Variants in MACROD2 observed in about 807,000 individuals in gnomAD.
MACROD2 encodes ADP-ribose glycohydrolase MACROD2.
A neutral mutation model predicts 70.4 loss-of-function variants in MACROD2; 36 were observed. The ratio of observed to expected loss-of-function variants is 0.51; its 90% confidence interval spans 0.39 to 0.68. The LOEUF is 0.68. Among genes scored for constraint, MACROD2 ranks in the 30% least tolerant of loss-of-function variants. MACROD2 has a pLI of 0.00. For synonymous variants in MACROD2, 172 were observed against 178.8 expected, an observed-to-expected ratio of 0.96 and a Z score of 0.30; for missense variants, 496 against 538.4, an observed-to-expected ratio of 0.92 and a Z score of 0.78.
intron 4 of MACROD2, among the ~76,000 whole-genome samples, chr20:14,601,003 T>C (rs1982460943): frequency 1.3e-5 from 2 of 152,224 alleles, no homozygotes; most frequent in Admixed American, 1.3e-4. Context: ...TCTTGTTGAC[T>C]ATGAGACCTT....
chr20:14,894,028 C>A (rs2073796623), intron 5 of MACROD2: 1 of 151,846 alleles, frequency 6.6e-6, no homozygotes, highest in Non-Finnish European at 1.5e-5. Context: ...TCAAGCAATC[C>A]TCTTGCCTTG....
chr20:15,749,065 A>G (rs1295363895), intron 8 of MACROD2, among the ~76,000 whole-genome samples: 1 of 152,118 alleles, frequency 6.6e-6, no homozygotes, highest in African/African-American at 2.4e-5. Context: ...TATTATTTTC[A>G]TGTCTCCATG....
intron 3 of MACROD2, among the ~76,000 whole-genome samples, chr20:14,450,846 C>T (rs1349715794): frequency 6.6e-6 from 1 of 152,002 alleles, no homozygotes; most frequent in African/African-American, 2.4e-5. Context: ...GGATTATAAG[C>T]AGAAACACAG....
At chr20:15,519,107 C>CTTCCTTCT (rs2146526144) in intron 8 of MACROD2, among the ~76,000 whole-genome samples, 2 of 146,178 alleles carry the variant, frequency 1.4e-5, no homozygotes, top group South Asian at 4.5e-4. Flanking sequence ...TCCTTCCTTC[C>CTTCCTTCT]TTCCTTCCTT....
At chr20:14,104,542 A>C (rs1019569636) in intron 3 of MACROD2, among the ~76,000 whole-genome samples, 1 of 152,178 alleles carries the variant, frequency 6.6e-6, no homozygotes, top group Admixed American at 6.5e-5. Flanking sequence ...AGCACTTGGC[A>C]CTGGGGATGT....
chr20:15,286,305 A>T (rs544336854), intron 6 of MACROD2, among the ~76,000 whole-genome samples: 2 of 152,200 alleles, frequency 1.3e-5, no homozygotes, highest in Admixed American at 6.5e-5. Flanking sequence ...TTACCATGAA[A>T]TTAGTTTATA....
intron 17 of MACROD2, among the ~76,000 whole-genome samples, chr20:16,048,272 C>A (rs879877110): frequency 1.3e-4 from 19 of 151,778 alleles, no homozygotes; most frequent in Admixed American, 1.2e-3. Flanking sequence ...ACTATGAGAA[C>A]GTTAAGAGAG....
chr20:14,459,190 T>C (rs1169960722), intron 3 of MACROD2, among the ~76,000 whole-genome samples: 1 of 151,978 alleles, frequency 6.6e-6, no homozygotes. Flanking sequence ...ATTAGAAGTT[T>C]TAAAATATAT....
chr20:15,129,090 G>T (rs1174743260), intron 5 of MACROD2, among the ~76,000 whole-genome samples: 1 of 151,930 alleles, frequency 6.6e-6, no homozygotes, highest in East Asian at 1.9e-4. Flanking sequence ...AAAGTCATCA[G>T]AGTCAAATTA....
At chr20:14,216,697 G>A (rs6042590) in intron 3 of MACROD2, among the ~76,000 whole-genome samples, 1 of 151,932 alleles carries the variant, frequency 6.6e-6, no homozygotes, top group Non-Finnish European at 1.5e-5. Context: ...GTGTTTTGTA[G>A]GTTTCCTTGT....
chr20:15,818,861 G>A (rs1425278267), intron 8 of MACROD2, among the ~76,000 whole-genome samples: 2 of 152,102 alleles, frequency 1.3e-5, no homozygotes, highest in East Asian at 3.8e-4. Context: ...CTCTCACCAA[G>A]AAGTCACGAA....
intron 5 of MACROD2, among the ~76,000 whole-genome samples, chr20:15,161,470 G>C (rs945565145): frequency 2.6e-5 from 4 of 151,552 alleles, no homozygotes; most frequent in Admixed American, 6.6e-5. Flanking sequence ...TAAAATCTTC[G>C]TGTGTTTCTT....
chr20:16,002,448 A>G (rs2066723019), intron 15 of MACROD2, among the ~76,000 whole-genome samples: 1 of 152,198 alleles, frequency 6.6e-6, no homozygotes, highest in Non-Finnish European at 1.5e-5. Flanking sequence ...CAGTGTAATC[A>G]CAAGTATATC....
chr20:15,236,070 T>C (rs2077011636), intron 6 of MACROD2, among the ~76,000 whole-genome samples: 1 of 152,234 alleles, frequency 6.6e-6, no homozygotes, highest in South Asian at 2.1e-4. Flanking sequence ...TGTGCATCAC[T>C]CTACAGTTTA....
chr20:14,993,043 G>T (rs867894704), intron 5 of MACROD2, among the ~76,000 whole-genome samples: 6 of 151,994 alleles, frequency 3.9e-5, no homozygotes, highest in Admixed American at 1.3e-4. Context: ...TTCTCTATCT[G>T]CCTCCCTCTT....
chr20:14,381,516 G>A (rs1340762012), intron 3 of MACROD2, among the ~76,000 whole-genome samples: 4 of 152,162 alleles, frequency 2.6e-5, no homozygotes, highest in African/African-American at 9.7e-5. Context: ...TGAAAGAATA[G>A]TTGTGGTCAG....
At chr20:15,278,407 G>T (rs2077412363) in intron 6 of MACROD2, among the ~76,000 whole-genome samples, 1 of 152,192 alleles carries the variant, frequency 6.6e-6, no homozygotes, top group Admixed American at 6.5e-5. Flanking sequence ...TGAACAGGAT[G>T]CAGTAGCAGA....
intron 6 of MACROD2, among the ~76,000 whole-genome samples, chr20:15,428,112 G>A (rs545762557): frequency 6.6e-6 from 1 of 152,284 alleles, no homozygotes; most frequent in South Asian, 2.1e-4. Context: ...CACTAATCAA[G>A]ATATTACTAC....
At chr20:15,646,360 CATTT>C (rs1159166593) in intron 8 of MACROD2, among the ~76,000 whole-genome samples, 2 of 152,184 alleles carry the variant, frequency 1.3e-5, no homozygotes, top group African/African-American at 4.8e-5. Context: ...ACATATTTAA[CATTT>C]ATTGATAGAG....
Sources: gnomAD v4.1 joint callset for allele counts (sites outside exome capture counted in the v4.1 genomes callset) on GRCh38, gnomAD v4.1.1 for gene constraint, MANE v1.5 for transcripts, NCBI Gene and HGNC (gene_info 2026-07-23, HGNC 2026-07-21) for gene names.